Variants in TAFA1 observed in about 807,000 individuals in gnomAD.
TAFA1 encodes chemokine-like protein TAFA-1.
Under a neutral mutation model 18.5 loss-of-function variants are expected in TAFA1, and 4 were observed. The ratio of observed to expected loss-of-function variants is 0.22; its 90% CI spans 0.11 to 0.49. The LOEUF (loss-of-function observed/expected upper bound fraction) is 0.49, where lower values mean the gene tolerates loss of function less well. Among genes scored for constraint, TAFA1 ranks in the 20% least tolerant of loss-of-function variants. TAFA1 has a pLI of 0.98. For synonymous variants in TAFA1, 56 were observed against 55.2 expected (o/e 1.01, Z -0.06); for missense variants, 147 against 169.0 (o/e 0.87, Z 0.72).
At chr3:68,325,282 C>T (rs9832486) in intron 2 of TAFA1, among the ~76,000 whole-genome samples, 7,304 of 152,250 alleles carry the variant, frequency 0.048, 211 homozygotes, top group African/African-American at 0.078. Flanking sequence ...TGTAGAGCGA[C>T]GTGGTTGGGA....
At chr3:68,316,834 G>C (rs1466102698) in intron 2 of TAFA1, among the ~76,000 whole-genome samples, 1 of 151,984 alleles carries the variant, frequency 6.6e-6, no homozygotes, top group African/African-American at 2.4e-5. Context: ...GTTACTTCTT[G>C]GTCTACTTTT....
chr3:68,257,953 T>G (rs554774141), intron 2 of TAFA1, among the ~76,000 whole-genome samples: 4 of 152,254 alleles, frequency 2.6e-5, no homozygotes, highest in African/African-American at 9.6e-5. Flanking sequence ...AAAATTCAAT[T>G]TCATGGACAT....
intron 2 of TAFA1, among the ~76,000 whole-genome samples, chr3:68,033,127 A>G (rs1326232532): frequency 6.6e-6 from 1 of 152,202 alleles, no homozygotes; most frequent in Non-Finnish European, 1.5e-5. Flanking sequence ...ATTGCCTTCA[A>G]TTTTCCACAG....
At chr3:68,239,362 A>G (rs1472237712) in intron 2 of TAFA1, among the ~76,000 whole-genome samples, 6 of 152,184 alleles carry the variant, frequency 3.9e-5, no homozygotes, top group African/African-American at 4.8e-5. Flanking sequence ...CTTATTTACA[A>G]TTAATGTGCC....
chr3:68,422,565 G>C (rs1046916927), intron 3 of TAFA1, among the ~76,000 whole-genome samples: 2 of 152,080 alleles, frequency 1.3e-5, no homozygotes, highest in African/African-American at 2.4e-5. Flanking sequence ...TTAAGGTTGA[G>C]AATCTGAGAG....
At chr3:68,239,243 A>G (rs766551265) in intron 2 of TAFA1, among the ~76,000 whole-genome samples, 1 of 152,152 alleles carries the variant, frequency 6.6e-6, no homozygotes, top group Non-Finnish European at 1.5e-5. Context: ...TATATGTATT[A>G]TGGAAGAAAG....
At chr3:68,390,716 T>A (rs2070220778) in intron 2 of TAFA1, among the ~76,000 whole-genome samples, 1 of 152,158 alleles carries the variant, frequency 6.6e-6, no homozygotes, top group South Asian at 2.1e-4. Context: ...GCAAACAGGG[T>A]CTGGAGTAGA....
chr3:68,213,049 G>C (rs909078832), intron 2 of TAFA1, among the ~76,000 whole-genome samples: 1 of 151,380 alleles, frequency 6.6e-6, no homozygotes, highest in Non-Finnish European at 1.5e-5. Flanking sequence ...ATTTTAGAGA[G>C]AGTAAAAACA....
At chr3:68,444,878 T>C (rs2071450382) in intron 3 of TAFA1, among the ~76,000 whole-genome samples, 2 of 150,820 alleles carry the variant, frequency 1.3e-5, no homozygotes, top group African/African-American at 4.8e-5. Flanking sequence ...TTATAACTTC[T>C]ATGATCTCAA....
intron 2 of TAFA1, among the ~76,000 whole-genome samples, chr3:68,058,324 T>A (rs1157765461): frequency 6.6e-6 from 1 of 152,198 alleles, no homozygotes; most frequent in Non-Finnish European, 1.5e-5. Context: ...AAAATGCATT[T>A]AAGAGAGTTC....
intron 3 of TAFA1, among the ~76,000 whole-genome samples, chr3:68,462,701 A>G (rs1422003804): frequency 6.6e-6 from 1 of 152,196 alleles, no homozygotes; most frequent in Non-Finnish European, 1.5e-5. Flanking sequence ...TCCTTGTCAT[A>G]GAGTAAACTG....
At position 68,323,337 on chromosome 3, in the gene TAFA1, C is replaced by T. The variant is rs187401819; in HGVS notation, c.119-93943C>T. Among the ~76,000 whole-genome samples, 4 of 152,244 alleles carry T rather than the reference C, an allele frequency of 2.6e-5. No homozygotes were observed. The East Asian group carries it at 5.8e-4, about 22-fold the overall frequency. On this transcript the variant is annotated intron_variant, in intron 2 of 4. Transcript: ENST00000478136. ...CAATTCACTGAAATGAATAGATTCA[C>T]GTGGCCAGAACTAGAGAACAGGTTG...
At chr3:68,544,123 C>A (rs1559713239) in intron 4 of TAFA1, among the ~76,000 whole-genome samples, 1 of 151,974 alleles carries the variant, frequency 6.6e-6, no homozygotes, top group Non-Finnish European at 1.5e-5. Flanking sequence ...TTAATAATCT[C>A]AAGATGGCAA....
At chr3:68,375,292 AAT>A (rs1436936737) in intron 2 of TAFA1, among the ~76,000 whole-genome samples, 1 of 152,142 alleles carries the variant, frequency 6.6e-6, no homozygotes, top group Non-Finnish European at 1.5e-5. Flanking sequence ...ATCATTTGAC[AAT>A]ATCTCTCAGG....
intron 2 of TAFA1, among the ~76,000 whole-genome samples, chr3:68,011,319 G>T (rs1704467096): frequency 6.6e-6 from 1 of 152,020 alleles, no homozygotes; most frequent in Non-Finnish European, 1.5e-5. Flanking sequence ...ATCGACAGGG[G>T]TGTACGGAAA....
At chr3:68,120,765 T>C (rs915403056) in intron 2 of TAFA1, among the ~76,000 whole-genome samples, 17 of 152,192 alleles carry the variant, frequency 1.1e-4, no homozygotes, top group African/African-American at 3.6e-4. Context: ...CATGAGTCTT[T>C]GGGGATCGTT....
At chr3:68,437,484 T>A (rs2071284767) in intron 3 of TAFA1, among the ~76,000 whole-genome samples, 1 of 152,198 alleles carries the variant, frequency 6.6e-6, no homozygotes, top group Non-Finnish European at 1.5e-5. Flanking sequence ...GCCAAAGGGC[T>A]GCATCTCGTA....
chr3:68,156,000 T>C (rs1434159097), intron 2 of TAFA1, among the ~76,000 whole-genome samples: 3 of 151,958 alleles, frequency 2.0e-5, no homozygotes, highest in African/African-American at 4.8e-5. Context: ...CTACTTTTTT[T>C]CCCCCTTCAA....
the TAFA1 span, among the ~76,000 whole-genome samples, chr3:67,991,965 A>G: frequency 6.6e-6 from 1 of 152,016 alleles, no homozygotes; most frequent in Non-Finnish European, 1.5e-5. Flanking sequence ...GCATTCTCTA[A>G]ATATTTATAG....
Sources: allele counts gnomAD v4.1 joint callset (sites outside exome capture counted in the v4.1 genomes callset), GRCh38; gene constraint gnomAD v4.1.1; transcripts MANE v1.5; gene names NCBI Gene and HGNC (gene_info 2026-07-23, HGNC 2026-07-21).